Variants in NEK5 observed in about 807,000 individuals in gnomAD.
NEK5 encodes the protein serine/threonine-protein kinase Nek5.
A neutral mutation model predicts 109.2 loss-of-function variants in NEK5; 88 were observed. That is an observed-to-expected ratio of 0.81 (90% confidence interval 0.68 to 0.96). The LOEUF (loss-of-function observed/expected upper bound fraction) is 0.96, where lower values mean the gene tolerates loss of function less well. Among genes scored for constraint, NEK5 ranks in the 40% least tolerant of loss-of-function variants. NEK5 has a pLI of 0.00. For missense variants in NEK5, 834 were observed against 920.7 expected (o/e 0.91, Z 1.22); for synonymous variants, 283 against 299.9 (o/e 0.94, Z 0.58).
At chr13:52,077,942 C>T (rs1241983108) in intron 17 of NEK5, among the ~76,000 whole-genome samples, 2 of 151,944 alleles carry the variant, frequency 1.3e-5, no homozygotes, top group East Asian at 1.9e-4. Flanking sequence ...GGCGTGGTGG[C>T]GCATGCCTGT....
chr13:52,075,844 A>G lies in NEK5; in HGVS notation c.1654-18T>C, dbSNP rs778850147. The G allele has an allele frequency of 4.4e-5, 66 of 1,493,884 alleles. No individual in the cohort carries two copies. The highest frequency in any genetic ancestry group is 5.4e-5 in the Non-Finnish European group (60 of 1,109,510). The allele number at this position is 1,493,884 out of a possible 1,614,324, so 92.5% of individuals were successfully genotyped here. A position where few individuals can be genotyped will look rare whatever the true frequency, so the allele number is the denominator to read the frequency against. On this transcript the variant is annotated intron_variant, in intron 18 of 23. Transcript: ENST00000684899. ...ACCCCCTTCTAGGAGAAAGCAAAAA[A>G]AAAAAAAAAGTTTAGCAATTCAGTA...
chr13:52,047,377 C>T (rs775463815), intron 23 of NEK5, among the ~76,000 whole-genome samples: 131 of 151,930 alleles, frequency 8.6e-4, no homozygotes, highest in Non-Finnish European at 1.5e-3. Flanking sequence ...TATATTTTTG[C>T]TTATATTTGT....
chr13:52,072,174 T>C, intron 19 of NEK5, 104 bp from the exon 20 acceptor site: 1 of 784,068 alleles, frequency 1.3e-6, no homozygotes, highest in Non-Finnish European at 2.0e-6. Context: ...AGGTATATAG[T>C]AAATATTCAA....
chr13:52,045,801 G>A lies in NEK5; in HGVS notation c.2228+4303C>T, dbSNP rs1388400446. On this transcript the variant is annotated intron_variant, in intron 23 of 23. Transcript: ENST00000684899. ...AAAAAAAAAAAGTTGGGACCTGCAC[G>A]GTGGCTCACGCCTGTAATCCCAGCA... Among the ~76,000 whole-genome samples, 12 of 149,552 alleles carry A rather than the reference G, an allele frequency of 8.0e-5. No homozygotes were observed. The East Asian group carries it at 2.0e-3, about 25-fold the overall frequency.
Position 52,087,308 on chromosome 13 carries a change from G to C in NEK5, c.1392+30C>G, listed in dbSNP as rs1413719940. On this transcript the variant is annotated intron_variant, in intron 15 of 23. Transcript: ENST00000684899. ...AAGACAGTAATACAAAGAAATACAA[G>C]GGTAGCCCTGGAATTAAACAGTTTT... is the stretch of plus-strand genomic sequence containing the variant. The C allele has an allele frequency of 2.8e-6, 3 of 1,081,628 alleles. 1 individual carries two copies. The highest frequency in any genetic ancestry group is 2.6e-5 in the South Asian group (2 of 78,376). 67.0% of individuals were successfully genotyped at this position (1,081,628 alleles called of 1,614,324 possible). A position where few individuals can be genotyped will look rare whatever the true frequency, so the allele number is the denominator to read the frequency against.
At chr13:52,122,868 T>C (rs1245110124) in intron 3 of NEK5, among the ~76,000 whole-genome samples, 1 of 152,222 alleles carries the variant, frequency 6.6e-6, no homozygotes, top group East Asian at 1.9e-4. Flanking sequence ...AAAGTGTTCA[T>C]AGTGATTAAG....
chr13:52,038,824 T>TA (rs780917143), intron 23 of NEK5, among the ~76,000 whole-genome samples: 902 of 37,974 alleles, frequency 0.024, 9 homozygotes, highest in African/African-American at 0.047. Context: ...GACACTCATC[T>TA]GAAAAAAAAA....
At chr13:52,056,036 C>T (rs566160107) in intron 22 of NEK5, among the ~76,000 whole-genome samples, 5 of 152,108 alleles carry the variant, frequency 3.3e-5, no homozygotes, top group Admixed American at 2.6e-4. Context: ...CATCAGTGTG[C>T]TGTATTCAGG....
rs185288192 is a variant in NEK5 at position 52,099,918 on chromosome 13, T to C, written c.893-42A>G. 1.9e-5 allele frequency: 28 copies of C among 1,464,222 alleles called. No homozygotes were observed. In the Admixed American group the frequency reaches 3.7e-4, roughly 19 times the overall value. The allele number at this position is 1,464,222 out of a possible 1,614,324, so 90.7% of individuals were successfully genotyped here. On this transcript the variant is annotated intron_variant, in intron 11 of 23. Coordinates refer to ENST00000684899, the MANE Select transcript of NEK5 (RefSeq NM_001365552.1). ...AAAACAGCTTCAATTTTTTAAAAATTGTACACCATTAATACTGATACTTGT... is the reference window on the plus strand; with the variant it reads ...AAAACAGCTTCAATTTTTTAAAAATCGTACACCATTAATACTGATACTTGT...
intron 9 of NEK5, among the ~76,000 whole-genome samples, chr13:52,103,972 ATTTT>A (rs748795451): frequency 6.6e-6 from 1 of 151,770 alleles, no homozygotes; most frequent in Admixed American, 6.6e-5. Context: ...TTAATTAATT[ATTTT>A]TTTTAGATGG....
chr13:52,115,307 G>A (rs1465447796), intron 4 of NEK5, among the ~76,000 whole-genome samples: 2 of 151,656 alleles, frequency 1.3e-5, no homozygotes, highest in Non-Finnish European at 2.9e-5. Flanking sequence ...GGCCGACAGA[G>A]ATAGCTTAAA....
intron 3 of NEK5, among the ~76,000 whole-genome samples, chr13:52,125,257 G>T (rs537248029): frequency 6.6e-6 from 1 of 152,266 alleles, no homozygotes; most frequent in South Asian, 2.1e-4. Context: ...ATGCTACACA[G>T]CAATAGATTA....
intron 19 of NEK5, among the ~76,000 whole-genome samples, chr13:52,074,261 T>C (rs770437044): frequency 2.0e-5 from 3 of 152,166 alleles, no homozygotes; most frequent in South Asian, 4.1e-4. Context: ...ATCAAAACTG[T>C]ATGGTACTGG....
At chr13:52,086,854 G>T (rs1461689215) in intron 15 of NEK5, among the ~76,000 whole-genome samples, 2 of 152,208 alleles carry the variant, frequency 1.3e-5, no homozygotes. Flanking sequence ...AGCATGTGAT[G>T]AAGGCAGAGA....
At position 52,102,130 on chromosome 13, in the gene NEK5, A is replaced by T; in HGVS notation, c.772T>A (p.Phe258Ile). 1.9e-6 allele frequency: 3 copies of T among 1,614,094 alleles called. No homozygotes were observed. The highest frequency in any genetic ancestry group is 2.5e-6 in the Non-Finnish European group (3 of 1,179,936). ...PSINSILKRPFLENLIPKYLT... is the reference protein window; with the variant it reads ...PSINSILKRPILENLIPKYLT... ...TATTTGGGAATAAGATTCTCTAAAAAGGGCCTTTTCAAAATGGAATTTATG... is the reference window on the plus strand; with the variant it reads ...TATTTGGGAATAAGATTCTCTAAAATGGGCCTTTTCAAAATGGAATTTATG... The change falls in exon 10 of 24, where the codon TTT becomes ATT. Residue 258 changes from phenylalanine (F) to isoleucine (I), a missense_variant. By Grantham distance (21) the Phe-to-Ile change is conservative. Transcript: ENST00000684899.
At chr13:52,085,734 C>T (rs1219378869) in intron 16 of NEK5, among the ~76,000 whole-genome samples, 2 of 152,208 alleles carry the variant, frequency 1.3e-5, no homozygotes, top group Non-Finnish European at 2.9e-5. Context: ...AAGCAGTGAT[C>T]TGTGCCAACT....
intron 22 of NEK5, among the ~76,000 whole-genome samples, chr13:52,052,451 G>A (rs981493812): frequency 1.1e-4 from 17 of 152,160 alleles, no homozygotes; most frequent in Admixed American, 3.9e-4. Flanking sequence ...TATTGGGGAT[G>A]GGCTGCTCAC....
At position 52,106,154 on chromosome 13, in the gene NEK5, A is replaced by G. The variant is rs377528686; in HGVS notation, c.555-1602T>C. 7.9e-5 allele frequency among the ~76,000 whole-genome samples: 12 copies of G among 151,300 alleles called. No homozygotes were observed. In the East Asian group the frequency reaches 2.0e-3, roughly 25 times the overall value. Reference sequence around the variant, plus strand: ...TTCCTGCACAACTAACTTGAGGCCAAACTCCTTGGTGCCAGGGGATGTCTC... The same window carrying G: ...TTCCTGCACAACTAACTTGAGGCCAGACTCCTTGGTGCCAGGGGATGTCTC... On this transcript the variant is annotated intron_variant, in intron 8 of 23. Coordinates refer to ENST00000684899, the MANE Select transcript of NEK5 (RefSeq NM_001365552.1).
At chr13:52,097,859 T>C (rs954845332) in intron 12 of NEK5, among the ~76,000 whole-genome samples, 3 of 152,178 alleles carry the variant, frequency 2.0e-5, no homozygotes, top group Non-Finnish European at 4.4e-5. Flanking sequence ...AAATTTCATG[T>C]TGAATTGTAA....
Sources: allele counts gnomAD v4.1 joint callset (sites outside exome capture counted in the v4.1 genomes callset), GRCh38; gene constraint gnomAD v4.1.1; transcripts MANE v1.5; gene names NCBI Gene and HGNC (gene_info 2026-07-23, HGNC 2026-07-21).